Variants in APC observed in about 807,000 individuals in gnomAD.
The protein encoded by APC is adenomatous polyposis coli protein.
In APC, 72 loss-of-function variants were observed where a neutral mutation model predicts 247.0. The ratio of observed to expected loss-of-function variants is 0.29; its 90% CI spans 0.24 to 0.35. APC has a LOEUF of 0.35. Ranked by LOEUF, APC falls within the 10% of genes least tolerant of loss-of-function variation. The probability of loss-of-function intolerance (pLI) is 1.00; values close to 1 mark genes in which losing one functional copy is unlikely to be tolerated. For missense variants in APC, 3,400 were observed against 3,360.7 expected, an observed-to-expected ratio of 1.01 and a Z score of -0.29; for synonymous variants, 1,254 against 1,162.5, an observed-to-expected ratio of 1.08 and a Z score of -1.60.
At chr5:112,758,197 A>G (rs1230894660) in intron 2 of APC, among the ~76,000 whole-genome samples, 1 of 152,238 alleles carries the variant, frequency 6.6e-6, no homozygotes, top group African/African-American at 2.4e-5. Flanking sequence ...ATTACATGGA[A>G]TTTAGATGAT....
At chr5:112,738,607 T>TCCGC (rs1752612166) in intron 1 of APC, 3 of 633,328 alleles carry the variant, frequency 4.7e-6, no homozygotes, top group Non-Finnish European at 5.9e-6. Flanking sequence ...AATGCAGTGG[T>TCCGC]AGTGGCTTTT....
At chr5:112,770,067 T>C (rs1296021508) in intron 4 of APC, among the ~76,000 whole-genome samples, 1 of 152,192 alleles carries the variant, frequency 6.6e-6, no homozygotes, top group Non-Finnish European at 1.5e-5. Context: ...TACTTTGCTT[T>C]ATGTAGGCAA....
rs946421079 is a variant in APC at position 112,844,610 on chromosome 5, G to T, written c.*484G>T. On this transcript the variant is annotated 3_prime_UTR_variant, in exon 16 of 16. Transcript: ENST00000257430. ...TGGCTGTGAAATTCACAGTAATATG[G>T]TTCCCGATGAACAAGTTTACCCAGC... 4.3e-6 allele frequency: 1 copy of T among 234,522 alleles called. No individual in the cohort carries two copies. Among genetic ancestry groups the T allele is most frequent in the Admixed American group, 5.6e-5 (1 of 17,984 alleles). 14.5% of individuals were successfully genotyped at this position (234,522 alleles called of 1,614,324 possible).
At position 112,841,063 on chromosome 5, in the gene APC, CAAT is replaced by C; in HGVS notation, c.5470_5472del (p.Asn1824del). 6.2e-7 allele frequency: 1 copy of C among 1,612,254 alleles called. No homozygotes were observed. ...ATTTGAAAAATAATTCCAAGGTCTT[CAAT>C]GATAAGCTCCCAAATAATGAAGATA... On this transcript the variant is annotated inframe_deletion, in exon 16 of 16. Transcript: ENST00000257430. This position sits in a 1 kb window ranked among gnomAD's most constrained non-coding sequence, Gnocchi z 4.6.
chr5:112,773,576 G>T (rs1242598805), intron 4 of APC, among the ~76,000 whole-genome samples: 2 of 152,074 alleles, frequency 1.3e-5, no homozygotes, highest in Non-Finnish European at 2.9e-5. Flanking sequence ...CAAATATTTT[G>T]TATGTTATAT....
intron 2 of APC, among the ~76,000 whole-genome samples, chr5:112,758,714 C>A (rs1451755990): frequency 6.6e-6 from 1 of 152,068 alleles, no homozygotes; most frequent in Non-Finnish European, 1.5e-5. Context: ...GCAGCCTCCA[C>A]CTCCTGGGCT....
At position 112,839,485 on chromosome 5, in the gene APC, T is replaced by G. The variant is rs1580641196; in HGVS notation, c.3891T>G (p.Asp1297Glu). 3 of 1,614,210 alleles carry G rather than the reference T, an allele frequency of 1.9e-6. No individual in the cohort carries two copies. Among genetic ancestry groups the G allele is most frequent in the Non-Finnish European group, 2.5e-6 (3 of 1,180,036 alleles). ...IGCNQTTQEADSANTLQIAEI... is the reference protein window; with the variant it reads ...IGCNQTTQEAESANTLQIAEI... ...GTAATCAGACGACACAGGAAGCAGA[T>G]TCTGCTAATACCCTGCAAATAGCAG... The change falls in exon 16 of 16, where the codon GAT (aspartate) becomes GAG (glutamate). Residue 1297 changes from aspartate to glutamate, a missense_variant. Coordinates refer to ENST00000257430, the MANE Select transcript of APC (RefSeq NM_000038.6). The surrounding 1 kb of genome is among the most constrained non-coding windows in gnomAD (Gnocchi z 5.0).
chr5:112,736,569 CT>C (rs1479692069), upstream of APC, among the ~76,000 whole-genome samples: 2 of 152,164 alleles, frequency 1.3e-5, no homozygotes, highest in African/African-American at 4.8e-5. Flanking sequence ...TAGCTTGCTT[CT>C]TTTCATACTA....
chr5:112,739,504 A>G (rs1447792903), intron 1 of APC, among the ~76,000 whole-genome samples: 3 of 152,230 alleles, frequency 2.0e-5, no homozygotes, highest in African/African-American at 7.2e-5. Flanking sequence ...GATAAATTTA[A>G]ATAGTTCTTT....
chr5:112,757,825 C>G (rs1197627908), intron 2 of APC, among the ~76,000 whole-genome samples: 1 of 152,118 alleles, frequency 6.6e-6, no homozygotes, highest in African/African-American at 2.4e-5. Context: ...TTATATGTGT[C>G]TTTGTAGCAG....
chr5:112,743,218 C>G (rs1243207620), intron 1 of APC, among the ~76,000 whole-genome samples: 1 of 152,140 alleles, frequency 6.6e-6, no homozygotes, highest in African/African-American at 2.4e-5. Context: ...CTTCTCTGAC[C>G]CTTCTGCCTC....
At chr5:112,818,736 C>G (rs1762767436) in intron 9 of APC, among the ~76,000 whole-genome samples, 1 of 151,616 alleles carries the variant, frequency 6.6e-6, no homozygotes, top group Non-Finnish European at 1.5e-5. Context: ...CTGTATATTA[C>G]CACTCATACT....
intron 1 of APC, among the ~76,000 whole-genome samples, chr5:112,747,123 C>T (rs115863979): frequency 1.3e-4 from 20 of 152,320 alleles, no homozygotes; most frequent in Non-Finnish European, 2.9e-4. Context: ...GCCACCACAC[C>T]TGGCCATTAG....
chr5:112,844,701 G>A lies in APC; in HGVS notation c.*575G>A, dbSNP rs1342176218. ...TTCAGAAGTAATGATTAACAGTTAT[G>A]TGGTCACATGATGTGCATAGAGATA... On this transcript the variant is annotated 3_prime_UTR_variant, in exon 16 of 16. Coordinates refer to ENST00000257430, the MANE Select transcript of APC (RefSeq NM_000038.6). 1 of 232,488 alleles carries A rather than the reference G, an allele frequency of 4.3e-6. No homozygotes were observed. The highest frequency in any genetic ancestry group is 5.6e-5 in the Admixed American group (1 of 17,792). The allele number at this position is 232,488 out of a possible 1,614,324, so 14.4% of individuals were successfully genotyped here.
intron 1 of APC, among the ~76,000 whole-genome samples, chr5:112,712,273 A>G (rs550562369): frequency 6.6e-6 from 1 of 151,964 alleles, no homozygotes. Flanking sequence ...CCCTACTTCC[A>G]TTTCCTCCTG....
At chr5:112,746,089 A>G (rs1025645778) in intron 1 of APC, among the ~76,000 whole-genome samples, 1 of 152,180 alleles carries the variant, frequency 6.6e-6, no homozygotes, top group African/African-American at 2.4e-5. Flanking sequence ...AAGAATTTTT[A>G]AATGACAGAA....
chr5:112,815,478 A>G lies in APC; in HGVS notation c.835-17A>G, dbSNP rs1580511131. 1 of 1,586,666 alleles carries G rather than the reference A, an allele frequency of 6.3e-7. No individual in the cohort carries two copies. The highest frequency in any genetic ancestry group is 8.6e-7 in the Non-Finnish European group (1 of 1,156,732). On this transcript the variant is annotated splice_polypyrimidine_tract_variant and intron_variant, in intron 8 of 15. Coordinates refer to ENST00000257430, the MANE Select transcript of APC (RefSeq NM_000038.6). ...TATAGTCTAAATTATACCATCTATAATGTGCTTAATTTTTAGGGTTCAACT... is the reference window on the plus strand; with the variant it reads ...TATAGTCTAAATTATACCATCTATAGTGTGCTTAATTTTTAGGGTTCAACT...
At chr5:112,724,726 A>G (rs921090442) in intron 1 of APC, among the ~76,000 whole-genome samples, 9 of 152,138 alleles carry the variant, frequency 5.9e-5, no homozygotes, top group South Asian at 2.1e-4. Flanking sequence ...AAGCAGATGT[A>G]AGAACCTTCC....
intron 8 of APC, among the ~76,000 whole-genome samples, chr5:112,811,694 G>T (rs552125687): frequency 6.6e-6 from 1 of 152,158 alleles, no homozygotes; most frequent in East Asian, 1.9e-4. Flanking sequence ...GTGGAAACAG[G>T]TTTTCCCTTG....
Sources: gnomAD v4.1 joint callset for allele counts (sites outside exome capture counted in the v4.1 genomes callset) on GRCh38, gnomAD v4.1.1 for gene constraint, Gnocchi (gnomAD v3.1) non-coding constraint, MANE v1.5 for transcripts, NCBI Gene and HGNC (gene_info 2026-07-23, HGNC 2026-07-21) for gene names.